Variants in ADGRV1 observed in about 807,000 individuals in gnomAD.
ADGRV1 encodes the protein adhesion G protein-coupled receptor V1.
A neutral mutation model predicts 596.2 loss-of-function variants in ADGRV1; 359 were observed. The observed-to-expected ratio is 0.60, with a 90% CI of 0.55 to 0.66. The LOEUF is 0.66. ADGRV1 is among the 30% of genes least tolerant of loss of function. The pLI, the probability that ADGRV1 is intolerant of heterozygous loss-of-function variation, is 0.00. For synonymous variants in ADGRV1, 2,681 were observed against 2,679.2 expected (o/e 1.00, Z -0.02); for missense variants, 7,274 against 7,575.6 (o/e 0.96, Z 1.48).
chr5:90,730,171 T>C (rs1193167225), intron 50 of ADGRV1, among the ~76,000 whole-genome samples: 1 of 152,202 alleles, frequency 6.6e-6, no homozygotes, highest in African/African-American at 2.4e-5. Context: ...CTGGGTATTT[T>C]AATAGGAATG....
chr5:91,115,673 G>A (rs1792787231), intron 87 of ADGRV1, among the ~76,000 whole-genome samples: 1 of 152,194 alleles, frequency 6.6e-6, no homozygotes, highest in Non-Finnish European at 1.5e-5. Flanking sequence ...CTGGCCAGGT[G>A]CAGTGGCTTA....
intron 54 of ADGRV1, 99 bp downstream of exon 54, chr5:90,753,928 A>T (rs1204132073): frequency 8.0e-7 from 1 of 1,243,652 alleles, no homozygotes; most frequent in Non-Finnish European, 1.1e-6. Context: ...TTTTTATATG[A>T]CTTTTTCAGT....
intron 85 of ADGRV1, among the ~76,000 whole-genome samples, chr5:91,054,102 T>TGTGTGTGTGTGTGAGA (rs1299621929): frequency 1.6e-5 from 2 of 126,672 alleles, no homozygotes; most frequent in Non-Finnish European, 1.6e-5. Flanking sequence ...TGTGTGTGTG[T>TGTGTGTGTGTGTGAGA]GAGAGAGAGA....
chr5:91,087,038 T>C (rs1440471743), intron 86 of ADGRV1, among the ~76,000 whole-genome samples: 1 of 152,172 alleles, frequency 6.6e-6, no homozygotes, highest in Non-Finnish European at 1.5e-5. Flanking sequence ...GCTTTTTGCC[T>C]CTCTTTATGC....
intron 83 of ADGRV1, among the ~76,000 whole-genome samples, chr5:90,872,423 TTG>T (rs55743704): frequency 0.075 from 10,996 of 147,116 alleles, 472 homozygotes; most frequent in African/African-American, 0.094. Context: ...TGGTATGAGC[TTG>T]TGTGTGTGTG....
chr5:90,824,073 C>A (rs755324628), intron 76 of ADGRV1, among the ~76,000 whole-genome samples: 5 of 152,156 alleles, frequency 3.3e-5, no homozygotes, highest in Non-Finnish European at 7.3e-5. Context: ...GTTAGAATCA[C>A]ATTTATCTTG....
chr5:91,071,630 T>C (rs1332994308), intron 85 of ADGRV1, among the ~76,000 whole-genome samples: 1 of 152,194 alleles, frequency 6.6e-6, no homozygotes, highest in Admixed American at 6.5e-5. Context: ...AACTAACTTT[T>C]GTTGCAGATG....
At chr5:91,112,611 G>A (rs997624733) in intron 87 of ADGRV1, among the ~76,000 whole-genome samples, 3 of 152,222 alleles carry the variant, frequency 2.0e-5, no homozygotes, top group Non-Finnish European at 2.9e-5. Flanking sequence ...CATGTTAACT[G>A]ATAATTTTTT....
intron 70 of ADGRV1, among the ~76,000 whole-genome samples, chr5:90,793,852 T>C (rs567474081): frequency 1.3e-5 from 2 of 152,326 alleles, no homozygotes; most frequent in East Asian, 3.9e-4. Flanking sequence ...AATATCTCTT[T>C]TTAACCTATT....
intron 34 of ADGRV1, among the ~76,000 whole-genome samples, chr5:90,702,800 G>T (rs1454921067): frequency 1.3e-5 from 2 of 151,736 alleles, no homozygotes; most frequent in South Asian, 2.1e-4. Flanking sequence ...TTTGATTAAG[G>T]ATGTCGTCTT....
chr5:90,809,518 T>G (rs1762247825), intron 73 of ADGRV1, among the ~76,000 whole-genome samples: 1 of 152,186 alleles, frequency 6.6e-6, no homozygotes, highest in South Asian at 2.1e-4. Context: ...CTGTTTTATG[T>G]ACTGAGTGCT....
At chr5:90,976,316 G>GTATATA (rs1434888267) in intron 84 of ADGRV1, among the ~76,000 whole-genome samples, 16 of 121,472 alleles carry the variant, frequency 1.3e-4, no homozygotes, top group African/African-American at 5.5e-4. Context: ...GTGTGTGTGT[G>GTATATA]TGTGTGTATA....
intron 33 of ADGRV1, 93 bp downstream of exon 33, chr5:90,694,794 C>A: frequency 8.6e-7 from 1 of 1,163,516 alleles, no homozygotes; most frequent in Non-Finnish European, 1.2e-6. Context: ...TTACTGTGTA[C>A]ATTCTTGTTA....
At chr5:90,768,221 GT>G (rs1482150145) in intron 59 of ADGRV1, among the ~76,000 whole-genome samples, 1 of 152,140 alleles carries the variant, frequency 6.6e-6, no homozygotes, top group Non-Finnish European at 1.5e-5. Flanking sequence ...GAGGCATGGG[GT>G]TGTTTCTAGA....
chr5:90,751,788 C>T (rs888411421), intron 53 of ADGRV1, among the ~76,000 whole-genome samples: 15 of 152,094 alleles, frequency 9.9e-5, no homozygotes, highest in Non-Finnish European at 1.8e-4. Context: ...TTATTTCAAA[C>T]GTGATTGGAG....
In ADGRV1 at chr5:90,644,646, C is replaced by G. The variant is rs751571640; in HGVS notation, c.2735-60C>G. ...TTTGTTTATTTAACCGATTTCTTTA[C>G]TCATCATTTTAAAAGTTTCGTATGT... On this transcript the variant is annotated intron_variant, in intron 14 of 89. Coordinates refer to ENST00000405460, the MANE Select transcript of ADGRV1 (RefSeq NM_032119.4). 3.2e-4 allele frequency: 412 copies of G among 1,304,926 alleles called. 2 individuals carry two copies. Among genetic ancestry groups the G allele is most frequent in the Non-Finnish European group, 7.0e-5 (66 of 936,218 alleles). The allele number at this position is 1,304,926 out of a possible 1,614,324, so 80.8% of individuals were successfully genotyped here. A position where few individuals can be genotyped will look rare whatever the true frequency, so the allele number is the denominator to read the frequency against.
intron 87 of ADGRV1, among the ~76,000 whole-genome samples, chr5:91,113,512 T>A (rs1247603999): frequency 6.6e-6 from 1 of 152,172 alleles, no homozygotes; most frequent in African/African-American, 2.4e-5. Flanking sequence ...AAAGATTACC[T>A]TCCCATTGAG....
chr5:90,878,173 TC>T (rs1769399567), intron 83 of ADGRV1, among the ~76,000 whole-genome samples: 1 of 152,196 alleles, frequency 6.6e-6, no homozygotes, highest in Admixed American at 6.5e-5. Flanking sequence ...AGAATAGACT[TC>T]CGTCAGAATT....
chr5:91,098,221 G>GT (rs1036995151), intron 86 of ADGRV1, among the ~76,000 whole-genome samples: 2 of 152,180 alleles, frequency 1.3e-5, no homozygotes, highest in African/African-American at 2.4e-5. Flanking sequence ...ATGGAGCACT[G>GT]TTTTTCAGTT....
Sources: allele counts gnomAD v4.1 joint callset (sites outside exome capture counted in the v4.1 genomes callset), GRCh38; gene constraint gnomAD v4.1.1; transcripts MANE v1.5; gene names NCBI Gene and HGNC (gene_info 2026-07-23, HGNC 2026-07-21).